Variants in ACVR1B observed in about 807,000 individuals in gnomAD.
The protein encoded by ACVR1B is activin receptor type-1B.
ACVR1B carries 15 observed loss-of-function variants against 55.6 expected under a neutral mutation model. The observed-to-expected ratio is 0.27, with a 90% CI of 0.18 to 0.42. The LOEUF is 0.42. Among genes scored for constraint, ACVR1B ranks in the 10% least tolerant of loss-of-function variants. The pLI is 1.00. For missense variants in ACVR1B, 359 were observed against 670.1 expected (o/e 0.54, Z 5.13); for synonymous variants, 247 against 254.6 (o/e 0.97, Z 0.28).
At chr12:51,968,056 G>A (rs1237872772) in intron 1 of ACVR1B, among the ~76,000 whole-genome samples, 1 of 152,148 alleles carries the variant, frequency 6.6e-6, no homozygotes, top group African/African-American at 2.4e-5. Context: ...CCAACATGGC[G>A]AAACCCGGTC....
At chr12:51,979,198 G>T (rs1941931249) in intron 3 of ACVR1B, among the ~76,000 whole-genome samples, 1 of 149,752 alleles carries the variant, frequency 6.7e-6, no homozygotes, top group South Asian at 2.1e-4. Flanking sequence ...AGGCACGGTG[G>T]CTCACACCTG....
Position 51,992,167 on chromosome 12 carries a change from C to T in ACVR1B, c.1392+174C>T, listed in dbSNP as rs1592263801. 3 of 833,362 alleles carry T rather than the reference C, an allele frequency of 3.6e-6. No homozygotes were observed. The East Asian group carries it at 8.0e-5, about 22-fold the overall frequency. 51.6% of individuals were successfully genotyped at this position (833,362 alleles called of 1,614,324 possible). A position where few individuals can be genotyped will look rare whatever the true frequency, so the allele number is the denominator to read the frequency against. On this transcript the variant is annotated intron_variant, in intron 8 of 8. Transcript: ENST00000257963. ...CCCTTTAGGGCTACAGTCTCTTGTC[C>T]TGGACCCTGTAGGGTGCCATTTGGA... is the stretch of plus-strand genomic sequence containing the variant.
At chr12:51,982,884 G>A in intron 4 of ACVR1B, 1 of 1,363,088 alleles carries the variant, frequency 7.3e-7, no homozygotes, top group Non-Finnish European at 9.5e-7. Flanking sequence ...ATCAAATCAT[G>A]TCTTCTCTTT....
intron 1 of ACVR1B, among the ~76,000 whole-genome samples, chr12:51,961,389 GTA>G (rs1941524171): frequency 6.6e-6 from 1 of 152,046 alleles, no homozygotes; most frequent in African/African-American, 2.4e-5. Flanking sequence ...TTATAATCTT[GTA>G]TATATAGTAT....
intron 7 of ACVR1B, among the ~76,000 whole-genome samples, chr12:51,989,073 A>G (rs981539887): frequency 1.1e-4 from 16 of 152,150 alleles, no homozygotes; most frequent in African/African-American, 3.6e-4. Context: ...AGCCTGGCCA[A>G]TGTGAAGCCC....
At chr12:51,970,773 G>T (rs1371161808) in intron 1 of ACVR1B, among the ~76,000 whole-genome samples, 1 of 152,158 alleles carries the variant, frequency 6.6e-6, no homozygotes, top group Non-Finnish European at 1.5e-5. Context: ...CTAGAAGGTT[G>T]CCCGGTGAAA....
At chr12:51,985,664 G>C (rs1942062795) in intron 6 of ACVR1B, among the ~76,000 whole-genome samples, 1 of 152,220 alleles carries the variant, frequency 6.6e-6, no homozygotes, top group African/African-American at 2.4e-5. Context: ...TGTGGCTCGG[G>C]AAAGAGGGAA....
At position 51,996,209 on chromosome 12, in the gene ACVR1B, A is replaced by G. The variant is rs34570151; in HGVS notation, c.*2099A>G. The G allele has an allele frequency of 0.026, 3,930 of 152,510 alleles. 71 individuals carry two copies. The highest frequency in any genetic ancestry group is 0.038 in the Non-Finnish European group (2,602 of 68,048). The allele number at this position is 152,510 out of a possible 1,614,324, so 9.4% of individuals were successfully genotyped here. A position where few individuals can be genotyped will look rare whatever the true frequency, so the allele number is the denominator to read the frequency against. ...CCCAGGTGAGACCTCAAATCACTGC[A>G]TTCATTCTGAGCCCCCTTCCTGTCC... On this transcript the variant is annotated 3_prime_UTR_variant, in exon 9 of 9. Transcript: ENST00000257963.
chr12:51,985,457 A>C, intron 6 of ACVR1B, 109 bp downstream of exon 6: 3 of 1,309,908 alleles, frequency 2.3e-6, no homozygotes, highest in Non-Finnish European at 3.1e-6. Context: ...GGAGGCGAGG[A>C]CCTTGCTCTC....
At chr12:51,989,373 C>CAGGA (rs2120735294) in intron 7 of ACVR1B, among the ~76,000 whole-genome samples, 1 of 152,226 alleles carries the variant, frequency 6.6e-6, no homozygotes, top group Admixed American at 6.5e-5. Flanking sequence ...CAACCTCCGC[C>CAGGA]TCCTGGGTTC....
chr12:51,979,034 A>G (rs1941924736), intron 3 of ACVR1B, among the ~76,000 whole-genome samples: 1 of 149,964 alleles, frequency 6.7e-6, no homozygotes, highest in South Asian at 2.1e-4. Context: ...GTAGTGGCAC[A>G]CGCCTATAAT....
chr12:51,972,719 A>G (rs1342071214), intron 1 of ACVR1B, among the ~76,000 whole-genome samples: 2 of 152,184 alleles, frequency 1.3e-5, no homozygotes, highest in Non-Finnish European at 2.9e-5. Context: ...AGTGATGGTA[A>G]TTCTGACCTT....
At chr12:51,951,857 G>A in intron 1 of ACVR1B, 23 bp downstream of exon 1, 2 of 1,250,842 alleles carry the variant, frequency 1.6e-6, no homozygotes, top group Non-Finnish European at 2.0e-6. Flanking sequence ...ACGGGGGGCG[G>A]GGGCCGGGAT....
At position 51,995,513 on chromosome 12, in the gene ACVR1B, G is replaced by A. The variant is rs566971087; in HGVS notation, c.*1403G>A. 1.3e-5 allele frequency: 2 copies of A among 152,620 alleles called. No individual in the cohort carries two copies. Among genetic ancestry groups the A allele is most frequent in the East Asian group, 3.9e-4 (2 of 5,182 alleles). The allele number at this position is 152,620 out of a possible 1,614,324, so 9.5% of individuals were successfully genotyped here. A position where few individuals can be genotyped will look rare whatever the true frequency, so the allele number is the denominator to read the frequency against. ...TGGTGATTTGGTCAGCATATCTTAG[G>A]TATATAATAACTTTGAAGCCATAAC... On this transcript the variant is annotated 3_prime_UTR_variant, in exon 9 of 9. Transcript: ENST00000257963.
At chr12:51,952,510 A>G (rs1250621839) in intron 1 of ACVR1B, among the ~76,000 whole-genome samples, 3 of 152,106 alleles carry the variant, frequency 2.0e-5, no homozygotes, top group African/African-American at 4.8e-5. Flanking sequence ...CGTGGAGGCT[A>G]TTTGGAGGAA....
chr12:51,992,542 G>C (rs185713576), intron 8 of ACVR1B, among the ~76,000 whole-genome samples: 1 of 152,206 alleles, frequency 6.6e-6, no homozygotes, highest in Non-Finnish European at 1.5e-5. Context: ...AGACACAGAT[G>C]AGGGAGGTGG....
chr12:51,989,928 C>G (rs972467861), intron 7 of ACVR1B, among the ~76,000 whole-genome samples: 1 of 151,854 alleles, frequency 6.6e-6, no homozygotes, highest in Non-Finnish European at 1.5e-5. Flanking sequence ...GAAGTTGCAG[C>G]AAGCCGAGAT....
rs770254158 is a variant in ACVR1B at position 51,994,134 on chromosome 12, C to A, written c.*24C>A. ...AACTGCTCCCTCTCTCCACACGGAG[C>A]TCCTGGCAGCGAGAACTACGCACAG... On this transcript the variant is annotated 3_prime_UTR_variant, in exon 9 of 9. Transcript: ENST00000257963. The surrounding 1 kb of genome is among the most constrained non-coding windows in gnomAD (Gnocchi z 4.2). 1.5e-5 allele frequency: 24 copies of A among 1,610,492 alleles called. 1 individual carries two copies. In the Admixed American group the frequency reaches 3.2e-4, roughly 21 times the overall value.
At chr12:51,978,620 AG>A (rs1163418715) in intron 3 of ACVR1B, among the ~76,000 whole-genome samples, 2 of 151,996 alleles carry the variant, frequency 1.3e-5, no homozygotes, top group African/African-American at 4.8e-5. Flanking sequence ...ATGAGGTCAG[AG>A]GAGATCCAGA....
Sources: allele counts gnomAD v4.1 joint callset (sites outside exome capture counted in the v4.1 genomes callset), GRCh38; gene constraint gnomAD v4.1.1; non-coding constraint Gnocchi (gnomAD v3.1); transcripts MANE v1.5; gene names NCBI Gene and HGNC (gene_info 2026-07-23, HGNC 2026-07-21).